Variants in NDUFAF5 observed in about 807,000 individuals in gnomAD.
NDUFAF5 encodes arginine-hydroxylase NDUFAF5, mitochondrial.
NDUFAF5 carries 34 observed loss-of-function variants against 48.9 expected under a neutral mutation model. That is an observed-to-expected ratio of 0.70 (90% CI 0.53 to 0.93). NDUFAF5 has a LOEUF of 0.93. Among genes scored for constraint, NDUFAF5 ranks in the 40% least tolerant of loss-of-function variants. The probability of loss-of-function intolerance (pLI) is 0.00; values close to 1 mark genes in which losing one functional copy is unlikely to be tolerated. For missense variants in NDUFAF5, 428 were observed against 427.5 expected (o/e 1.00, Z -0.01); for synonymous variants, 153 against 150.6 (o/e 1.02, Z -0.12).
Position 13,817,314 on chromosome 20 carries a change from A to C in NDUFAF5, c.*104A>C, listed in dbSNP as rs1382908192. 4.5e-6 allele frequency: 4 copies of C among 892,556 alleles called. No individual in the cohort carries two copies. The highest frequency in any genetic ancestry group is 7.6e-6 in the Non-Finnish European group (4 of 525,748). 55.3% of individuals were successfully genotyped at this position (892,556 alleles called of 1,614,324 possible). ...AAGCAAGAAGCACTCTAAGCTATTT[A>C]CTAATAGGCTTTTCATATAATTAGG... On this transcript the variant is annotated 3_prime_UTR_variant, in exon 11 of 11. Transcript: ENST00000378106.
chr20:13,803,670 C>T (rs1344105333), intron 7 of NDUFAF5, among the ~76,000 whole-genome samples: 1 of 152,016 alleles, frequency 6.6e-6, no homozygotes, highest in African/African-American at 2.4e-5. Context: ...TCAGTATTCA[C>T]TATATTAGAC....
intron 8 of NDUFAF5, among the ~76,000 whole-genome samples, chr20:13,815,071 A>G (rs1986304790): frequency 6.6e-6 from 1 of 152,200 alleles, no homozygotes; most frequent in East Asian, 1.9e-4. Flanking sequence ...TGATTGTTAG[A>G]AGGCATTTTA....
intron 6 of NDUFAF5, among the ~76,000 whole-genome samples, chr20:13,799,740 G>A (rs6079176): frequency 0.17 from 25,201 of 151,482 alleles, 2,679 homozygotes; most frequent in Non-Finnish European, 0.24. Flanking sequence ...GGAGCAGTTC[G>A]TTAAATTGAA....
chr20:13,807,908 C>T (rs1600377198), intron 7 of NDUFAF5, among the ~76,000 whole-genome samples: 1 of 151,892 alleles, frequency 6.6e-6, no homozygotes, highest in Non-Finnish European at 1.5e-5. Flanking sequence ...GAGATCACAC[C>T]ACTGCATTCC....
At chr20:13,807,120 C>G (rs1374099347) in intron 7 of NDUFAF5, among the ~76,000 whole-genome samples, 7 of 150,934 alleles carry the variant, frequency 4.6e-5, no homozygotes, top group Non-Finnish European at 7.4e-5. Flanking sequence ...GATCTCGGCT[C>G]ACTGCAACCT....
chr20:13,801,418 T>C, intron 6 of NDUFAF5, 68 bp from the exon 7 acceptor site: 1 of 984,894 alleles, frequency 1.0e-6, no homozygotes, highest in Non-Finnish European at 1.5e-6. Context: ...TTAGACACTA[T>C]ATATTTATTT....
chr20:13,815,195 A>C (rs1986319144), intron 8 of NDUFAF5, among the ~76,000 whole-genome samples: 1 of 152,200 alleles, frequency 6.6e-6, no homozygotes, highest in Non-Finnish European at 1.5e-5. Context: ...AGCAGAAATG[A>C]AAGCACCATA....
intron 8 of NDUFAF5, chr20:13,814,453 A>G: frequency 7.8e-7 from 1 of 1,289,296 alleles, no homozygotes; most frequent in Non-Finnish European, 1.0e-6. Context: ...ATTTTACAAA[A>G]CAAGCTGCAT....
At position 13,794,900 on chromosome 20, in the gene NDUFAF5, C is replaced by T; in HGVS notation, c.438C>T (p.Pro146=). Residue 146 remains proline, a synonymous_variant, in exon 5 of 11, where the codon CCC becomes CCT. Transcript: ENST00000378106. ...VSVLADEEFL[P]FKENTFDLVV... ...TTTTAGCTGATGAAGAATTCCTTCC[C>T]TTCAAAGAAAATACATTTGACCTGG... 2 of 1,613,592 alleles carry T rather than the reference C, an allele frequency of 1.2e-6. No homozygotes were observed. The highest frequency in any genetic ancestry group is 1.7e-6 in the Non-Finnish European group (2 of 1,179,530).
At chr20:13,793,369 G>A in intron 4 of NDUFAF5, 142 bp downstream of exon 4, 8 of 803,724 alleles carry the variant, frequency 1.0e-5, no homozygotes, top group Non-Finnish European at 1.4e-5. Flanking sequence ...CAAGAACAAA[G>A]GAAAAATCAC....
At chr20:13,816,380 G>C in intron 8 of NDUFAF5, 83 bp from the exon 9 acceptor site, 1 of 904,296 alleles carries the variant, frequency 1.1e-6, no homozygotes, top group South Asian at 1.3e-5. Flanking sequence ...TATACTGTTA[G>C]ATGAGACGGG....
chr20:13,786,549 G>A (rs1054838824), intron 1 of NDUFAF5, among the ~76,000 whole-genome samples: 8 of 152,114 alleles, frequency 5.3e-5, no homozygotes, highest in Non-Finnish European at 8.8e-5. Flanking sequence ...GACGTACAAG[G>A]TGGACTCCTG....
At position 13,794,950 on chromosome 20, in the gene NDUFAF5, T is replaced by A. The variant is rs1358715117; in HGVS notation, c.479+9T>A. ...GTGGTTAGCAGTTTAAGGTTGGTAA[T>A]CCACTTTTTAAAAACCATATGTTAT... is the stretch of plus-strand genomic sequence containing the variant. On this transcript the variant is annotated intron_variant, in intron 5 of 10. Coordinates refer to ENST00000378106, the MANE Select transcript of NDUFAF5 (RefSeq NM_024120.5). The A allele has an allele frequency of 6.4e-7, 1 of 1,562,926 alleles. No individual in the cohort carries two copies. The highest frequency in any genetic ancestry group is 8.8e-7 in the Non-Finnish European group (1 of 1,133,496).
chr20:13,818,250 T>G lies in NDUFAF5; in HGVS notation c.*1040T>G, dbSNP rs1282952044. The G allele has an allele frequency of 2.2e-6, 1 of 453,972 alleles. No homozygotes were observed. The highest frequency in any genetic ancestry group is 1.6e-5 in the South Asian group (1 of 64,424). 28.1% of individuals were successfully genotyped at this position (453,972 alleles called of 1,614,324 possible). ...GTAGATATTCAGTTACATTTTGAAC[T>G]AATTATATAACAAACTTGCCCTTTG... On this transcript the variant is annotated 3_prime_UTR_variant, in exon 11 of 11. Coordinates refer to ENST00000378106, the MANE Select transcript of NDUFAF5 (RefSeq NM_024120.5).
At chr20:13,802,481 C>A (rs1984318815) in intron 7 of NDUFAF5, among the ~76,000 whole-genome samples, 1 of 151,964 alleles carries the variant, frequency 6.6e-6, no homozygotes. Flanking sequence ...CCAACTTGGC[C>A]AACGTAGTGA....
intron 2 of NDUFAF5, among the ~76,000 whole-genome samples, chr20:13,787,621 A>G (rs1229136025): frequency 1.3e-5 from 2 of 152,224 alleles, no homozygotes. Flanking sequence ...AGCAAGTAAT[A>G]GAAAGATTGC....
rs1440133294 is a variant in NDUFAF5, at chr20:13,818,958, A to G, written c.*1748A>G. 1 of 152,196 alleles carries G rather than the reference A, an allele frequency of 6.6e-6. No individual in the cohort carries two copies. The highest frequency in any genetic ancestry group is 2.4e-5 in the African/African-American group (1 of 41,430). The allele number at this position is 152,196 out of a possible 1,614,324, so 9.4% of individuals were successfully genotyped here. A position where few individuals can be genotyped will look rare whatever the true frequency, so the allele number is the denominator to read the frequency against. On this transcript the variant is annotated 3_prime_UTR_variant, in exon 11 of 11. Transcript: ENST00000378106. ...TATTACTTTTGCTTATTTAATGTCA[A>G]CGGAATTATATGTGGATGGTGGGGT...
intron 3 of NDUFAF5, among the ~76,000 whole-genome samples, chr20:13,791,802 C>CT (rs1307146086): frequency 1.3e-5 from 2 of 152,156 alleles, no homozygotes; most frequent in Non-Finnish European, 2.9e-5. Context: ...TGCCTTCATT[C>CT]TTTTTACTCC....
intron 4 of NDUFAF5, among the ~76,000 whole-genome samples, chr20:13,793,726 A>G (rs927470750): frequency 6.6e-6 from 1 of 152,076 alleles, no homozygotes; most frequent in Non-Finnish European, 1.5e-5. Flanking sequence ...TGTTTGATTT[A>G]TTTTTTTCCG....
Sources: allele counts gnomAD v4.1 joint callset (sites outside exome capture counted in the v4.1 genomes callset), GRCh38; gene constraint gnomAD v4.1.1; transcripts MANE v1.5; gene names NCBI Gene and HGNC (gene_info 2026-07-23, HGNC 2026-07-21).